TMPRSS11E: variants seen among roughly 807,000 people sequenced by gnomAD.
TMPRSS11E encodes transmembrane protease serine 11E.
Under a neutral mutation model 48.1 loss-of-function variants are expected in TMPRSS11E, and 38 were observed. The observed-to-expected ratio is 0.79, with a 90% CI of 0.61 to 1.04. TMPRSS11E has a LOEUF of 1.04. Ranked by LOEUF, TMPRSS11E falls within the 50% of genes least tolerant of loss-of-function variation. The pLI is 0.00. For missense variants in TMPRSS11E, 530 were observed against 510.8 expected, an observed-to-expected ratio of 1.04 and a Z score of -0.36; for synonymous variants, 158 against 171.9, an observed-to-expected ratio of 0.92 and a Z score of 0.63.
intron 9 of TMPRSS11E, among the ~76,000 whole-genome samples, chr4:68,493,186 C>A (rs1037705866): frequency 6.6e-6 from 1 of 151,940 alleles, no homozygotes; most frequent in African/African-American, 2.4e-5. Context: ...GTACTCATCA[C>A]CTAGTTCAAA....
chr4:68,496,732 A>G lies in TMPRSS11E; in HGVS notation c.1200A>G (p.Lys400=). The change falls in exon 10 of 10, where the codon AAA becomes AAG. Residue 400 remains lysine, a synonymous_variant. Coordinates refer to ENST00000305363, the MANE Select transcript of TMPRSS11E (RefSeq NM_014058.4). ...GIVSWGDECA[K]PNKPGVYTRV... The stretch of plus-strand genomic sequence containing the variant: ...TGAGCTGGGGAGATGAATGTGCGAA[A>G]CCCAACAAGCCTGGTGTTTATACTA... 6.2e-7 allele frequency: 1 copy of G among 1,613,502 alleles called. No individual in the cohort carries two copies. Among genetic ancestry groups the G allele is most frequent in the Non-Finnish European group, 8.5e-7 (1 of 1,179,594 alleles).
At chr4:68,478,734 C>A in intron 8 of TMPRSS11E, 115 bp from the exon 9 acceptor site, 2 of 1,097,484 alleles carry the variant, frequency 1.8e-6, no homozygotes, top group Middle Eastern at 2.3e-4. Flanking sequence ...GGATTACTGG[C>A]GTTAGTCACC....
At chr4:68,463,025 G>A (rs1367589207) in intron 2 of TMPRSS11E, among the ~76,000 whole-genome samples, 4 of 152,068 alleles carry the variant, frequency 2.6e-5, no homozygotes, top group Non-Finnish European at 5.9e-5. Context: ...ATACTTGGAT[G>A]TTCAAGGCAC....
At chr4:68,462,455 C>T (rs1485640213) in intron 2 of TMPRSS11E, among the ~76,000 whole-genome samples, 2 of 149,834 alleles carry the variant, frequency 1.3e-5, no homozygotes, top group Non-Finnish European at 3.0e-5. Flanking sequence ...TGATGGTGTA[C>T]ACCTGTAGTC....
chr4:68,476,549 G>C (rs2708698), intron 7 of TMPRSS11E, 111 bp downstream of exon 7: 1 of 1,168,904 alleles, frequency 8.6e-7, no homozygotes, highest in East Asian at 2.4e-5. Context: ...ATTAAAAATA[G>C]TGTGTATATC....
At chr4:68,491,021 C>T (rs752364259) in intron 9 of TMPRSS11E, among the ~76,000 whole-genome samples, 2 of 151,808 alleles carry the variant, frequency 1.3e-5, no homozygotes, top group East Asian at 1.9e-4. Context: ...AGCCTTCCAA[C>T]GTGCTGGGAT....
chr4:68,468,656 C>T (rs1422493823), intron 3 of TMPRSS11E, among the ~76,000 whole-genome samples: 1 of 152,002 alleles, frequency 6.6e-6, no homozygotes, highest in Non-Finnish European at 1.5e-5. Flanking sequence ...TCACTTCTGG[C>T]CCCACTGCGG....
Position 68,495,822 on chromosome 4 carries a change from G to GT in TMPRSS11E, c.1111-815dup, listed in dbSNP as rs1375949837. 2.0e-5 allele frequency among the ~76,000 whole-genome samples: 3 copies of GT among 151,976 alleles called. No individual in the cohort carries two copies. In the East Asian group the frequency reaches 5.8e-4, roughly 29 times the overall value. On this transcript the variant is annotated intron_variant, in intron 9 of 9. Coordinates refer to ENST00000305363, the MANE Select transcript of TMPRSS11E (RefSeq NM_014058.4). ...CCAGAAAAAATTAACCTAGTTCTAT[G>GT]TTTTTTGTAAACAAGAATTACATGA...
intron 2 of TMPRSS11E, among the ~76,000 whole-genome samples, chr4:68,463,082 T>C (rs961156081): frequency 1.3e-5 from 2 of 152,184 alleles, no homozygotes; most frequent in Admixed American, 1.3e-4. Context: ...ATTGGGACCT[T>C]GTTGAAGTTT....
chr4:68,487,813 C>T (rs1181735660), intron 9 of TMPRSS11E, among the ~76,000 whole-genome samples: 1 of 151,686 alleles, frequency 6.6e-6, no homozygotes, highest in Non-Finnish European at 1.5e-5. Flanking sequence ...TGCTAATGGG[C>T]GCCTGTAATC....
At chr4:68,449,075 A>G (rs1728422865) in intron 1 of TMPRSS11E, among the ~76,000 whole-genome samples, 1 of 151,716 alleles carries the variant, frequency 6.6e-6, no homozygotes, top group Non-Finnish European at 1.5e-5. Context: ...CTTTTCAGTC[A>G]GATTTCGGAT....
intron 1 of TMPRSS11E, among the ~76,000 whole-genome samples, chr4:68,449,502 G>A (rs1354632796): frequency 1.3e-5 from 2 of 151,486 alleles, no homozygotes. Flanking sequence ...GACACAAAAT[G>A]GACAACTTTA....
chr4:68,488,335 C>T (rs1729619854), intron 9 of TMPRSS11E, among the ~76,000 whole-genome samples: 3 of 152,088 alleles, frequency 2.0e-5, no homozygotes, highest in African/African-American at 7.2e-5. Context: ...TTCCATATTT[C>T]TTGGAGATTT....
intron 1 of TMPRSS11E, among the ~76,000 whole-genome samples, chr4:68,460,029 C>T (rs1728745301): frequency 6.6e-6 from 1 of 152,082 alleles, no homozygotes; most frequent in Non-Finnish European, 1.5e-5. Flanking sequence ...GAATTCTACT[C>T]AAGGGAAAAC....
At chr4:68,485,203 G>T (rs1028916004) in intron 9 of TMPRSS11E, among the ~76,000 whole-genome samples, 6 of 151,994 alleles carry the variant, frequency 3.9e-5, no homozygotes, top group Admixed American at 3.3e-4. Flanking sequence ...CTGGAGTGCA[G>T]TGGTGCGATC....
Position 68,456,575 on chromosome 4 carries a change from T to G in TMPRSS11E, c.12-5246T>G, listed in dbSNP as rs140602727. On this transcript the variant is annotated intron_variant, in intron 1 of 9. Coordinates refer to ENST00000305363, the MANE Select transcript of TMPRSS11E (RefSeq NM_014058.4). ...TCTAGAAAGTGTGAGAAGGATTAATTATGTCACCAATGCTTGCTGGTTTGG... is the reference window on the plus strand; with the variant it reads ...TCTAGAAAGTGTGAGAAGGATTAATGATGTCACCAATGCTTGCTGGTTTGG... Among the ~76,000 whole-genome samples the G allele has an allele frequency of 7.8e-4, 118 of 152,212 alleles. 1 individual carries two copies. Among genetic ancestry groups the G allele is most frequent in the South Asian group, 4.8e-3 (23 of 4,826 alleles).
Position 68,487,833 on chromosome 4 carries a change from C to T in TMPRSS11E, c.1111-8810C>T, listed in dbSNP as rs149992365. On this transcript the variant is annotated intron_variant, in intron 9 of 9. Coordinates refer to ENST00000305363, the MANE Select transcript of TMPRSS11E (RefSeq NM_014058.4). ...ATGGGCGCCTGTAATCCCAGCTATT[C>T]GGGAGGCTGAGGCAGGAGAATTGCT... Among the ~76,000 whole-genome samples the T allele has an allele frequency of 2.7e-3, 396 of 147,868 alleles. 2 individuals carry two copies. The highest frequency in any genetic ancestry group is 9.2e-3 in the African/African-American group (366 of 39,798).
chr4:68,467,781 T>C (rs925142993), intron 3 of TMPRSS11E, among the ~76,000 whole-genome samples: 1 of 152,152 alleles, frequency 6.6e-6, no homozygotes, highest in Non-Finnish European at 1.5e-5. Context: ...CAGGGAAATA[T>C]TTGACCAGGC....
At chr4:68,467,072 T>C (rs1241188310) in intron 3 of TMPRSS11E, among the ~76,000 whole-genome samples, 1 of 152,072 alleles carries the variant, frequency 6.6e-6, no homozygotes, top group Non-Finnish European at 1.5e-5. Context: ...ATATTTGTTG[T>C]ATCCTAGACT....
Sources: gnomAD v4.1 joint callset for allele counts (sites outside exome capture counted in the v4.1 genomes callset) on GRCh38, gnomAD v4.1.1 for gene constraint, MANE v1.5 for transcripts, NCBI Gene and HGNC (gene_info 2026-07-23, HGNC 2026-07-21) for gene names.